The following CNTN4 variants were observed in gnomAD, a reference collection of about 807,000 sequenced individuals.
CNTN4 encodes the protein contactin 4, also known as contactin-4.
Under a neutral mutation model 122.5 loss-of-function variants are expected in CNTN4, and 77 were observed. The ratio of observed to expected loss-of-function variants is 0.63; its 90% CI spans 0.52 to 0.76. The LOEUF (loss-of-function observed/expected upper bound fraction) is 0.76, where lower values mean the gene tolerates loss of function less well. Among genes scored for constraint, CNTN4 ranks in the 30% least tolerant of loss-of-function variants. The probability of loss-of-function intolerance (pLI) is 0.00; values close to 1 mark genes in which losing one functional copy is unlikely to be tolerated. For missense variants in CNTN4, 1,256 were observed against 1,259.1 expected, an observed-to-expected ratio of 1.00 and a Z score of 0.04; for synonymous variants, 512 against 447.0, an observed-to-expected ratio of 1.15 and a Z score of -1.83.
Position 2,705,686 on chromosome 3 carries a change from TATAA to T in CNTN4, c.56-30521_56-30518del, listed in dbSNP as rs1346323515. The stretch of plus-strand genomic sequence containing the variant: ...ATATATTTATATATTGTATATTATA[TATAA>T]ATAAATATATAAAATATATAATATA... On this transcript the variant is annotated intron_variant, in intron 4 of 24. Coordinates refer to ENST00000418658, the MANE Select transcript of CNTN4 (RefSeq NM_175607.3). Among the ~76,000 whole-genome samples the T allele has an allele frequency of 4.5e-3, 424 of 94,442 alleles. 10 individuals carry two copies. Among genetic ancestry groups the T allele is most frequent in the Middle Eastern group, 0.026 (2 of 78 alleles). 62.0% of individuals were successfully genotyped at this position (94,442 alleles called of 152,430 possible). A position where few individuals can be genotyped will look rare whatever the true frequency, so the allele number is the denominator to read the frequency against.
chr3:2,221,847 C>A (rs2039073490), intron 2 of CNTN4, among the ~76,000 whole-genome samples: 1 of 152,026 alleles, frequency 6.6e-6, no homozygotes, highest in Admixed American at 6.5e-5. Context: ...AATGAGATAC[C>A]CTGTTACAAT....
chr3:2,421,996 C>T (rs2047636911), intron 3 of CNTN4, among the ~76,000 whole-genome samples: 1 of 152,124 alleles, frequency 6.6e-6, no homozygotes, highest in Non-Finnish European at 1.5e-5. Flanking sequence ...ATTTTGTACT[C>T]CTAGCCACTA....
At chr3:2,852,704 G>A (rs2093567034) in intron 7 of CNTN4, among the ~76,000 whole-genome samples, 2 of 152,050 alleles carry the variant, frequency 1.3e-5, no homozygotes, top group Non-Finnish European at 2.9e-5. Context: ...GTAAACCAAG[G>A]TTTCAAGACC....
At chr3:2,734,095 T>C (rs1404185236) in intron 4 of CNTN4, among the ~76,000 whole-genome samples, 4 of 152,132 alleles carry the variant, frequency 2.6e-5, no homozygotes, top group Non-Finnish European at 5.9e-5. Flanking sequence ...CGTCTTGGTT[T>C]GTTATCCAAG....
chr3:2,148,532 C>CAA (rs565512228), intron 2 of CNTN4, among the ~76,000 whole-genome samples: 1 of 134,720 alleles, frequency 7.4e-6, no homozygotes. Context: ...GCCCCTGTCT[C>CAA]AAAAAAAAAA....
intron 2 of CNTN4, among the ~76,000 whole-genome samples, chr3:2,140,543 T>G (rs1036841278): frequency 3.3e-5 from 5 of 152,154 alleles, no homozygotes; most frequent in Non-Finnish European, 7.4e-5. Flanking sequence ...CACATGGGTA[T>G]AGGAGGTAAC....
In CNTN4 at chr3:2,781,791, C is replaced by T. The variant is rs1461127727; in HGVS notation, c.358+36094C>T. Among the ~76,000 whole-genome samples, 5 of 124,480 alleles carry T rather than the reference C, an allele frequency of 4.0e-5. No homozygotes were observed. The East Asian group carries it at 1.1e-3, about 28-fold the overall frequency. The allele number at this position is 124,480 out of a possible 152,430, so 81.7% of individuals were successfully genotyped here. A position where few individuals can be genotyped will look rare whatever the true frequency, so the allele number is the denominator to read the frequency against. On this transcript the variant is annotated intron_variant, in intron 6 of 24. Transcript: ENST00000418658. ...CCAGGCTGGAGGGCAGTAGCGCGAT[C>T]TCTGCTCACTGCAACCTCCGCCTCC...
At chr3:2,239,151 G>C (rs1356010115) in intron 2 of CNTN4, 1 of 151,986 alleles carries the variant, frequency 6.6e-6, no homozygotes, top group Non-Finnish European at 1.5e-5. Flanking sequence ...TCATATACTG[G>C]AGAATTATCA....
chr3:3,022,994 A>T (rs1276411144), intron 14 of CNTN4, among the ~76,000 whole-genome samples: 4 of 152,190 alleles, frequency 2.6e-5, no homozygotes, highest in Non-Finnish European at 5.9e-5. Context: ...GAAGTCATAA[A>T]TATAGGTTCT....
chr3:2,772,094 T>G (rs2091127678), intron 6 of CNTN4, among the ~76,000 whole-genome samples: 1 of 152,070 alleles, frequency 6.6e-6, no homozygotes, highest in Admixed American at 6.6e-5. Flanking sequence ...AGGACCTTGT[T>G]TGACATGGTA....
At chr3:2,548,394 G>T (rs1291443052) in intron 3 of CNTN4, among the ~76,000 whole-genome samples, 3 of 152,034 alleles carry the variant, frequency 2.0e-5, no homozygotes, top group Non-Finnish European at 4.4e-5. Context: ...TCTGCATATG[G>T]CTAGCCAGTT....
rs552607821 is a variant in CNTN4, at chr3:2,537,552, C to T, written c.-88-33864C>T. On this transcript the variant is annotated intron_variant, in intron 3 of 24. Transcript: ENST00000418658. ...TTGCCTACATCTGATGAAAACTGTCCACTGTTCACATTATTTGTCATATGT... is the reference window on the plus strand; with the variant it reads ...TTGCCTACATCTGATGAAAACTGTCTACTGTTCACATTATTTGTCATATGT... Among the ~76,000 whole-genome samples, 36 of 152,108 alleles carry T rather than the reference C, an allele frequency of 2.4e-4. 1 individual carries two copies. In the South Asian group the frequency reaches 7.3e-3, roughly 31 times the overall value.
At position 2,331,875 on chromosome 3, in the gene CNTN4, C is replaced by T. The variant is rs149799610; in HGVS notation, c.-144-7303C>T. ...TTGCAAATGATTGTAGTTTTCCTGCCCAGTCCCCTGCCGCTGGGCTGCGGA... is the reference window on the plus strand; with the variant it reads ...TTGCAAATGATTGTAGTTTTCCTGCTCAGTCCCCTGCCGCTGGGCTGCGGA... On this transcript the variant is annotated intron_variant, in intron 2 of 24. Coordinates refer to ENST00000418658, the MANE Select transcript of CNTN4 (RefSeq NM_175607.3). Among the ~76,000 whole-genome samples the T allele has an allele frequency of 5.1e-3, 783 of 152,244 alleles. 9 individuals are homozygous for T. Among genetic ancestry groups the T allele is most frequent in the African/African-American group, 0.017 (725 of 41,546 alleles).
Position 3,034,717 on chromosome 3 carries a change from C to T in CNTN4, c.1869C>T (p.Asn623=), listed in dbSNP as rs6790908. ...TCTCCTGGAGACCCGGGCCTGACAACCACAGCCCCATCACCATGTATGTCA... is the reference window on the plus strand; with the variant it reads ...TCTCCTGGAGACCCGGGCCTGACAATCACAGCCCCATCACCATGTATGTCA... ...AQLSWRPGPD[N]HSPITMYVIQ... is the part of the protein sequence containing the mutation. The change falls in exon 17 of 25, where the codon AAC becomes AAT. Residue 623 remains asparagine, a synonymous_variant. Coordinates refer to ENST00000418658, the MANE Select transcript of CNTN4 (RefSeq NM_175607.3). 0.52 allele frequency: 834,406 copies of T among 1,613,340 alleles called. 220,665 individuals are homozygous for T. The highest frequency in any genetic ancestry group is 0.54 in the Non-Finnish European group (639,683 of 1,179,662).
At chr3:2,449,723 A>T (rs2048755906) in intron 3 of CNTN4, among the ~76,000 whole-genome samples, 1 of 152,172 alleles carries the variant, frequency 6.6e-6, no homozygotes, top group African/African-American at 2.4e-5. Flanking sequence ...GGTAGCTTTT[A>T]AAAATGTGGT....
intron 4 of CNTN4, among the ~76,000 whole-genome samples, chr3:2,588,582 G>C (rs1260047458): frequency 6.6e-6 from 1 of 151,904 alleles, no homozygotes; most frequent in African/African-American, 2.4e-5. Flanking sequence ...GGCCAGACTG[G>C]TCTTGAATGC....
At chr3:2,260,983 G>A (rs549027804) in intron 2 of CNTN4, among the ~76,000 whole-genome samples, 14 of 152,060 alleles carry the variant, frequency 9.2e-5, no homozygotes, top group African/African-American at 3.1e-4. Flanking sequence ...TGCCTGCCTC[G>A]GCCTCCCAAA....
chr3:2,932,709 G>C (rs879256715), intron 13 of CNTN4, among the ~76,000 whole-genome samples: 9 of 152,100 alleles, frequency 5.9e-5, no homozygotes, highest in Non-Finnish European at 8.8e-5. Context: ...CCAAAAGGGG[G>C]TTTGAGGATT....
chr3:2,834,044 G>A (rs995359371), intron 7 of CNTN4, among the ~76,000 whole-genome samples: 13 of 152,090 alleles, frequency 8.5e-5, no homozygotes, highest in African/African-American at 3.1e-4. Context: ...TACTCGGGAG[G>A]CTGAGGCAGG....
Sources: gnomAD v4.1 joint callset for allele counts (sites outside exome capture counted in the v4.1 genomes callset) on GRCh38, gnomAD v4.1.1 for gene constraint, MANE v1.5 for transcripts, NCBI Gene and HGNC (gene_info 2026-07-23, HGNC 2026-07-21) for gene names.